The following NPSR1 variants were observed in gnomAD, a reference collection of about 807,000 sequenced individuals.
NPSR1 encodes the protein neuropeptide S receptor 1.
A neutral mutation model predicts 46.9 loss-of-function variants in NPSR1; 48 were observed. The observed-to-expected ratio is 1.02, with a 90% CI of 0.81 to 1.30. The LOEUF is 1.30. Among genes scored for constraint, NPSR1 ranks in the 50% most tolerant of loss-of-function variants. The probability of loss-of-function intolerance (pLI) is 0.00; values close to 1 mark genes in which losing one functional copy is unlikely to be tolerated. For missense variants in NPSR1, 450 were observed against 449.5 expected (o/e 1.00, Z -0.01); for synonymous variants, 176 against 168.1 (o/e 1.05, Z -0.36).
intron 6 of NPSR1, among the ~76,000 whole-genome samples, chr7:34,836,481 T>C (rs948844716): frequency 2.0e-4 from 31 of 152,298 alleles, no homozygotes; most frequent in African/African-American, 7.2e-4. Context: ...ATTACTAATG[T>C]TGAGACAACT....
chr7:34,864,768 A>T (rs1791270418), intron 8 of NPSR1, among the ~76,000 whole-genome samples: 1 of 151,754 alleles, frequency 6.6e-6, no homozygotes, highest in Non-Finnish European at 1.5e-5. Context: ...CTAAAACAAC[A>T]CCCTTATTAC....
intron 2 of NPSR1, among the ~76,000 whole-genome samples, chr7:34,726,044 G>A (rs958539792): frequency 6.6e-6 from 1 of 152,228 alleles, no homozygotes; most frequent in African/African-American, 2.4e-5. Context: ...GGAGCTGTGA[G>A]TCAGTTAAAC....
intron 3 of NPSR1, among the ~76,000 whole-genome samples, chr7:34,809,613 G>A (rs901335682): frequency 6.6e-6 from 1 of 151,944 alleles, no homozygotes; most frequent in Non-Finnish European, 1.5e-5. Flanking sequence ...ACAGGCGCCC[G>A]CCACTACGCC....
chr7:34,856,293 A>C (rs1362879663), intron 8 of NPSR1, among the ~76,000 whole-genome samples: 1 of 151,818 alleles, frequency 6.6e-6, no homozygotes, highest in Admixed American at 6.6e-5. Context: ...ACAAGGTTTA[A>C]TAAGGTTGCA....
chr7:34,791,460 A>G (rs967639447), intron 3 of NPSR1, among the ~76,000 whole-genome samples: 3 of 151,106 alleles, frequency 2.0e-5, no homozygotes, highest in Admixed American at 6.7e-5. Context: ...TCTATTTACA[A>G]TAACTCCAAA....
At position 34,808,843 on chromosome 7, in the gene NPSR1, A is replaced by C. The variant is rs1044490333; in HGVS notation, c.385-2927A>C. Among the ~76,000 whole-genome samples, 6 of 152,180 alleles carry C rather than the reference A, an allele frequency of 3.9e-5. No individual in the cohort carries two copies. The East Asian group carries it at 9.6e-4, about 24-fold the overall frequency. Reference sequence around the variant, plus strand: ...TTGTGGGAAAGAGGTATGATAATTTAAGATGCATTTCTTTTAGGTAACTTT... The same window carrying C: ...TTGTGGGAAAGAGGTATGATAATTTCAGATGCATTTCTTTTAGGTAACTTT... On this transcript the variant is annotated intron_variant, in intron 3 of 8. Coordinates refer to ENST00000360581, the MANE Select transcript of NPSR1 (RefSeq NM_207172.2).
intron 4 of NPSR1, among the ~76,000 whole-genome samples, chr7:34,822,088 G>T (rs1006808837): frequency 2.0e-5 from 3 of 152,132 alleles, no homozygotes; most frequent in Admixed American, 2.0e-4. Flanking sequence ...GTATAATTCA[G>T]CCCCCGGGAG....
Position 34,831,622 on chromosome 7 carries a change from C to G in NPSR1, c.681-2762C>G, listed in dbSNP as rs148244743. On this transcript the variant is annotated intron_variant, in intron 5 of 8. Transcript: ENST00000360581. ...CAGGAGTTGAAACCATAGTGACTGACAGCAAAGGCAATACATTGTTTTTCT... is the reference window on the plus strand; with the variant it reads ...CAGGAGTTGAAACCATAGTGACTGAGAGCAAAGGCAATACATTGTTTTTCT... Among the ~76,000 whole-genome samples, 1,316 of 152,154 alleles carry G rather than the reference C, an allele frequency of 8.6e-3. 8 individuals are homozygous for G. The highest frequency in any genetic ancestry group is 0.024 in the African/African-American group (991 of 41,496).
intron 2 of NPSR1, among the ~76,000 whole-genome samples, chr7:34,765,010 A>C (rs1297662873): frequency 6.6e-6 from 1 of 152,170 alleles, no homozygotes; most frequent in Non-Finnish European, 1.5e-5. Context: ...AGAGTGGGGC[A>C]TTAAAACCCT....
intron 1 of NPSR1, among the ~76,000 whole-genome samples, chr7:34,662,619 T>C (rs1356895180): frequency 6.6e-6 from 1 of 152,166 alleles, no homozygotes; most frequent in African/African-American, 2.4e-5. Context: ...TCAATTTGAG[T>C]TTCTACAGTT....
At chr7:34,705,582 T>G (rs1413201656) in intron 2 of NPSR1, among the ~76,000 whole-genome samples, 1 of 148,532 alleles carries the variant, frequency 6.7e-6, no homozygotes, top group Admixed American at 6.7e-5. Context: ...TTAATGTATG[T>G]TTGTGTATGT....
chr7:34,759,391 C>A (rs979679954), intron 2 of NPSR1, among the ~76,000 whole-genome samples: 7 of 152,104 alleles, frequency 4.6e-5, no homozygotes, highest in Non-Finnish European at 1.0e-4. Flanking sequence ...ATAGGTTCTT[C>A]TTTTATTCTG....
At chr7:34,750,664 C>A (rs1417206413) in intron 2 of NPSR1, 5 of 696,626 alleles carry the variant, frequency 7.2e-6, no homozygotes, top group East Asian at 2.9e-5. Flanking sequence ...CCATAACTGA[C>A]AAAAAAGAAC....
intron 1 of NPSR1, among the ~76,000 whole-genome samples, chr7:34,666,611 CTTA>C (rs1164830047): frequency 6.6e-6 from 1 of 152,034 alleles, no homozygotes; most frequent in African/African-American, 2.4e-5. Context: ...CTTCAGATTT[CTTA>C]TTATATGAAA....
intron 2 of NPSR1, among the ~76,000 whole-genome samples, chr7:34,725,124 CAG>C (rs1491231397): frequency 6.7e-6 from 1 of 149,018 alleles, no homozygotes; most frequent in African/African-American, 2.5e-5. Context: ...CACACACACA[CAG>C]ACACACACAC....
chr7:34,707,867 A>T (rs1794186833), intron 2 of NPSR1, among the ~76,000 whole-genome samples: 2 of 152,200 alleles, frequency 1.3e-5, no homozygotes, highest in Non-Finnish European at 2.9e-5. Context: ...ACTTTCTCAC[A>T]GTTCTAGAAG....
chr7:34,823,515 C>A (rs1562756352), intron 4 of NPSR1, among the ~76,000 whole-genome samples: 1 of 150,936 alleles, frequency 6.6e-6, no homozygotes, highest in Admixed American at 6.6e-5. Context: ...TTTTACCAAC[C>A]ACATAACAAG....
At chr7:34,846,048 G>A (rs1790731735) in intron 7 of NPSR1, among the ~76,000 whole-genome samples, 2 of 152,150 alleles carry the variant, frequency 1.3e-5, no homozygotes, top group Admixed American at 1.3e-4. Flanking sequence ...CCAGCAGGAC[G>A]TAGGCACAAA....
chr7:34,683,446 C>CAAA (rs34732541), intron 1 of NPSR1, among the ~76,000 whole-genome samples: 20,506 of 112,592 alleles, frequency 0.18, 1,946 homozygotes, highest in African/African-American at 0.33. Flanking sequence ...GACTCTGTCA[C>CAAA]AAAAAAAAAA....
Sources: gnomAD v4.1 joint callset for allele counts (sites outside exome capture counted in the v4.1 genomes callset) on GRCh38, gnomAD v4.1.1 for gene constraint, MANE v1.5 for transcripts, NCBI Gene and HGNC (gene_info 2026-07-23, HGNC 2026-07-21) for gene names.